XBP1: variants seen among roughly 807,000 people sequenced by gnomAD.
XBP1 encodes the protein X-box binding protein 1, also known as X-box-binding protein 1.
In XBP1, 18 loss-of-function variants were observed where a neutral mutation model predicts 34.6. The observed-to-expected ratio is 0.52, with a 90% CI of 0.36 to 0.77. XBP1 has a LOEUF of 0.77. Among genes scored for constraint, XBP1 ranks in the 30% least tolerant of loss-of-function variants. The pLI is 0.00. For synonymous variants in XBP1, 191 were observed against 193.4 expected (o/e 0.99, Z 0.11); for missense variants, 422 against 464.6 (o/e 0.91, Z 0.84).
chr22:28,800,172 G>T (rs1330756385), intron 1 of XBP1, 126 bp downstream of exon 1: 3 of 1,170,314 alleles, frequency 2.6e-6, no homozygotes, highest in Admixed American at 2.4e-5. Context: ...GCACCGACCC[G>T]CCAGGCCAAA....
At chr22:28,798,339 C>T (rs1320298678) in intron 2 of XBP1, among the ~76,000 whole-genome samples, 11 of 105,254 alleles carry the variant, frequency 1.0e-4, no homozygotes, top group African/African-American at 4.3e-4. Flanking sequence ...TTTGCTCTGT[C>T]GCCCAGACTG....
chr22:28,799,952 T>A (rs767796007), intron 1 of XBP1: 2 of 779,160 alleles, frequency 2.6e-6, no homozygotes, highest in Non-Finnish European at 4.8e-6. Context: ...CAAAACAGAT[T>A]ATTCGACCTC....
At chr22:28,796,800 T>C (rs973179594) in intron 3 of XBP1, 21 of 243,088 alleles carry the variant, frequency 8.6e-5, no homozygotes, top group Non-Finnish European at 1.5e-4. Flanking sequence ...GATTGCATGG[T>C]AATCTTGTTG....
chr22:28,795,784 A>C, intron 5 of XBP1, 52 bp from the exon 6 acceptor site: 1 of 1,494,730 alleles, frequency 6.7e-7, no homozygotes. Flanking sequence ...ACAATGGAAA[A>C]TCTAACTGGA....
At chr22:28,800,222 G>A in intron 1 of XBP1, 76 bp downstream of exon 1, 2 of 1,492,444 alleles carry the variant, frequency 1.3e-6, no homozygotes, top group Non-Finnish European at 1.8e-6. Flanking sequence ...CTGGGTCCCC[G>A]CTCCCAGCCC....
chr22:28,799,104 C>CCTT, exon 2 of XBP1: 1 of 1,614,132 alleles, frequency 6.2e-7, no homozygotes, highest in Non-Finnish European at 8.5e-7. Flanking sequence ...CTCATTCGAG[C>CCTT]CTTCTTTCGA....
chr22:28,798,544 A>C (rs1414920080), intron 2 of XBP1, among the ~76,000 whole-genome samples: 1 of 151,784 alleles, frequency 6.6e-6, no homozygotes, highest in East Asian at 1.9e-4. Flanking sequence ...CCTGATCTCA[A>C]GTTATCTACC....
At chr22:28,800,249 C>G in intron 1 of XBP1, 49 bp downstream of exon 1, 1 of 1,539,224 alleles carries the variant, frequency 6.5e-7, no homozygotes, top group Non-Finnish European at 8.8e-7. Flanking sequence ...CTGCCCCTGT[C>G]CCTAGTCCCG....
At chr22:28,794,774 A>C (rs1569203708), downstream of XBP1, 5 of 156,452 alleles carry the variant, frequency 3.2e-5, no homozygotes, top group Middle Eastern at 3.4e-3. Flanking sequence ...AAAGGACCTA[A>C]AACTGGAGGC....
At chr22:28,795,847 C>T in intron 5 of XBP1, 115 bp from the exon 6 acceptor site, 1 of 1,262,562 alleles carries the variant, frequency 7.9e-7, no homozygotes, top group Non-Finnish European at 1.1e-6. Flanking sequence ...GATAAGATGA[C>T]CTCGGGACCC....
downstream of XBP1, chr22:28,795,161 T>C (rs997260436): frequency 2.7e-6 from 4 of 1,489,868 alleles, no homozygotes; most frequent in African/African-American, 5.6e-5. Flanking sequence ...AGGGCAACAG[T>C]ATTGGATCAT....
chr22:28,796,458 A>G (rs1444410783), intron 3 of XBP1: 1 of 309,766 alleles, frequency 3.2e-6, no homozygotes, highest in African/African-American at 2.2e-5. Flanking sequence ...CCCTTTTCTC[A>G]TCTCTTGAGG....
chr22:28,800,460 C>G (rs548654399), exon 1 of XBP1: 1 of 1,476,024 alleles, frequency 6.8e-7, no homozygotes. Context: ...GGCGGGCTGC[C>G]CCGACAGAAG....
intron 1 of XBP1, among the ~76,000 whole-genome samples, chr22:28,799,576 C>A (rs937137833): frequency 2.0e-5 from 3 of 152,224 alleles, no homozygotes; most frequent in Admixed American, 1.3e-4. Flanking sequence ...CTCCGTCCCC[C>A]AGTCCAATTT....
chr22:28,798,811 G>A (rs2031803755), intron 2 of XBP1: 1 of 270,674 alleles, frequency 3.7e-6, no homozygotes, highest in Non-Finnish European at 6.8e-6. Flanking sequence ...GGTAGAGACG[G>A]GATTTTACCA....
rs188772097 is a variant in XBP1 at position 28,796,311 on chromosome 22, C to T, written c.454-119G>A. On this transcript the variant is annotated intron_variant, in intron 3 of 5. Coordinates refer to ENST00000344347, the Ensembl canonical transcript of XBP1. The stretch of plus-strand genomic sequence containing the variant: ...TCAAAAAGATTCTAGGGTTAAATTG[C>T]TATAGAACTTTATTATCTAACAACA... 53 of 934,314 alleles carry T rather than the reference C, an allele frequency of 5.7e-5. No homozygotes were observed. The East Asian group carries it at 1.4e-3, about 25-fold the overall frequency. 57.9% of individuals were successfully genotyped at this position (934,314 alleles called of 1,614,324 possible).
chr22:28,799,082 T>C lies in XBP1; in HGVS notation c.299A>G (p.Gln100Arg), dbSNP rs1041238756. The C allele has an allele frequency of 6.2e-7, 1 of 1,614,106 alleles. No individual in the cohort carries two copies. The highest frequency in any genetic ancestry group is 8.5e-7 in the Non-Finnish European group (1 of 1,180,034). The change falls in exon 2 of 6, where the codon CAG becomes CGG. Residue 100 changes from glutamine to arginine, a missense_variant. By Grantham distance (43) the Gln-to-Arg change is conservative. Transcript: ENST00000344347. ...CTCTTCTTCTAAATCTACCACTTGC[T>C]GTTCCAGCTCACTCATTCGAGCCTT...
chr22:28,799,892 C>T (rs1300647973), intron 1 of XBP1: 2 of 747,104 alleles, frequency 2.7e-6, no homozygotes, highest in Non-Finnish European at 5.0e-6. Flanking sequence ...CCAGCCCTTT[C>T]AACAGCTCTG....
chr22:28,799,286 G>T (rs2031818972), intron 1 of XBP1, 133 bp from the exon 2 acceptor site: 2 of 623,278 alleles, frequency 3.2e-6, no homozygotes, highest in Non-Finnish European at 5.5e-6. Flanking sequence ...TACACTTCAG[G>T]CTCCTCCCCT....
Sources: allele counts gnomAD v4.1 joint callset (sites outside exome capture counted in the v4.1 genomes callset), GRCh38; gene constraint gnomAD v4.1.1; transcripts MANE v1.5; gene names NCBI Gene and HGNC (gene_info 2026-07-23, HGNC 2026-07-21).